Variants in GRID2 observed in about 807,000 individuals in gnomAD.
GRID2 encodes glutamate ionotropic receptor delta type subunit 2.
In GRID2, 33 loss-of-function variants were observed where a neutral mutation model predicts 114.8. The observed-to-expected ratio is 0.29, with a 90% CI of 0.22 to 0.38. The LOEUF is 0.38. GRID2 is among the 10% of genes least tolerant of loss of function. The pLI is 1.00. For synonymous variants in GRID2, 505 were observed against 449.9 expected (o/e 1.12, Z -1.55); for missense variants, 1,184 against 1,257.7 (o/e 0.94, Z 0.89).
At chr4:92,993,049 A>T (rs1755001403) in intron 2 of GRID2, among the ~76,000 whole-genome samples, 1 of 152,084 alleles carries the variant, frequency 6.6e-6, no homozygotes, top group African/African-American at 2.4e-5. Context: ...TCAGGTTGAA[A>T]AATTAAATGC....
At chr4:92,740,163 A>T (rs1165516914) in intron 2 of GRID2, among the ~76,000 whole-genome samples, 1 of 152,184 alleles carries the variant, frequency 6.6e-6, no homozygotes, top group African/African-American at 2.4e-5. Context: ...AAGGCAAAGG[A>T]GAGATACCTA....
At chr4:93,577,629 G>A (rs569984457) in intron 13 of GRID2, among the ~76,000 whole-genome samples, 1 of 152,292 alleles carries the variant, frequency 6.6e-6, no homozygotes, top group South Asian at 2.1e-4. Flanking sequence ...CAGACCACAG[G>A]AGTTACTGGG....
Position 93,001,293 on chromosome 4 carries a change from A to G in GRID2, c.245-83702A>G, listed in dbSNP as rs1256242286. 4.2e-4 allele frequency among the ~76,000 whole-genome samples: 64 copies of G among 151,794 alleles called. 1 individual carries two copies. The highest frequency in any genetic ancestry group is 4.1e-3 in the Admixed American group (62 of 15,168). On this transcript the variant is annotated intron_variant, in intron 2 of 15. Transcript: ENST00000282020. ...CTGTCTTTTTTGTTTTATGAAATACAATCACAGTAAACTTCATTTCAACAC... is the reference window on the plus strand; with the variant it reads ...CTGTCTTTTTTGTTTTATGAAATACGATCACAGTAAACTTCATTTCAACAC...
chr4:93,753,922 G>T (rs1386190491), intron 14 of GRID2, among the ~76,000 whole-genome samples: 1 of 152,186 alleles, frequency 6.6e-6, no homozygotes, highest in Non-Finnish European at 1.5e-5. Context: ...ATCACTTAGT[G>T]ATGGGGATAC....
intron 4 of GRID2, among the ~76,000 whole-genome samples, chr4:93,131,305 T>C (rs28448801): frequency 0.57 from 86,062 of 150,564 alleles, 26,251 homozygotes; most frequent in African/African-American, 0.77. Context: ...AGGCACTCGC[T>C]TCCATGCCCA....
chr4:92,821,190 G>A (rs938012434), intron 2 of GRID2, among the ~76,000 whole-genome samples: 2 of 152,118 alleles, frequency 1.3e-5, no homozygotes, highest in East Asian at 1.9e-4. Context: ...TCATAAAATT[G>A]TGTTTATTTC....
intron 12 of GRID2, among the ~76,000 whole-genome samples, chr4:93,511,776 CTTCT>C (rs1213075562): frequency 3.2e-4 from 45 of 142,284 alleles, no homozygotes; most frequent in African/African-American, 1.1e-3. Flanking sequence ...TCCATTCCTT[CTTCT>C]TTTTTTTTTT....
At chr4:92,382,120 G>A (rs1237780931) in intron 1 of GRID2, among the ~76,000 whole-genome samples, 10 of 151,642 alleles carry the variant, frequency 6.6e-5, no homozygotes, top group Admixed American at 5.9e-4. Context: ...TAGTTACACC[G>A]AGATTGATAT....
intron 2 of GRID2, among the ~76,000 whole-genome samples, chr4:92,724,600 A>G (rs1735977284): frequency 6.6e-6 from 1 of 152,156 alleles, no homozygotes; most frequent in African/African-American, 2.4e-5. Flanking sequence ...TATTTCTTTG[A>G]CTATAGTCAT....
intron 8 of GRID2, among the ~76,000 whole-genome samples, chr4:93,254,507 A>G (rs1048559804): frequency 5.9e-5 from 9 of 152,234 alleles, no homozygotes; most frequent in African/African-American, 2.2e-4. Context: ...GCTCTGGAGT[A>G]CCTGAATCAA....
intron 14 of GRID2, among the ~76,000 whole-genome samples, chr4:93,728,697 T>C (rs974774630): frequency 2.0e-5 from 3 of 152,228 alleles, no homozygotes; most frequent in Non-Finnish European, 2.9e-5. Flanking sequence ...ATATTTAGGA[T>C]AGGTAGCTCT....
intron 1 of GRID2, among the ~76,000 whole-genome samples, chr4:92,555,547 T>C (rs1348525589): frequency 1.3e-5 from 2 of 152,174 alleles, no homozygotes; most frequent in Admixed American, 1.3e-4. Flanking sequence ...TCATATCTTC[T>C]AGGGGTCTGG....
chr4:92,933,761 A>G (rs895680745), intron 2 of GRID2, among the ~76,000 whole-genome samples: 3 of 151,650 alleles, frequency 2.0e-5, no homozygotes, highest in Non-Finnish European at 3.0e-5. Context: ...ACCAAAATAA[A>G]TAAAATGAAA....
chr4:92,570,961 T>C (rs1727582851), intron 1 of GRID2, among the ~76,000 whole-genome samples: 1 of 152,100 alleles, frequency 6.6e-6, no homozygotes, highest in African/African-American at 2.4e-5. Context: ...CTGATTGCCC[T>C]GGCTAGAACT....
chr4:93,395,842 A>G lies in GRID2; in HGVS notation c.1347+134A>G, dbSNP rs1241094968. 5 of 496,686 alleles carry G rather than the reference A, an allele frequency of 1.0e-5. No individual in the cohort carries two copies. In the Admixed American group the frequency reaches 1.4e-4, roughly 14 times the overall value. The allele number at this position is 496,686 out of a possible 1,614,324, so 30.8% of individuals were successfully genotyped here. On this transcript the variant is annotated intron_variant, in intron 9 of 15. Transcript: ENST00000282020. ...TAAATACGCTTTCTAAGATTTTTTAATGGTCATATTTCACAGCCTTCAATT... is the reference window on the plus strand; with the variant it reads ...TAAATACGCTTTCTAAGATTTTTTAGTGGTCATATTTCACAGCCTTCAATT...
intron 2 of GRID2, among the ~76,000 whole-genome samples, chr4:92,839,407 A>C: frequency 7.6e-6 from 1 of 132,032 alleles, no homozygotes. Context: ...TCCTAATGCT[A>C]TCCCTCCCCC....
chr4:93,332,205 C>T (rs1244914724), intron 8 of GRID2, among the ~76,000 whole-genome samples: 3 of 150,424 alleles, frequency 2.0e-5, no homozygotes, highest in Non-Finnish European at 4.4e-5. Context: ...AGAAGAAAGA[C>T]AATTAGGCCC....
At chr4:93,317,403 T>G (rs545290990) in intron 8 of GRID2, among the ~76,000 whole-genome samples, 1 of 152,142 alleles carries the variant, frequency 6.6e-6, no homozygotes, top group African/African-American at 2.4e-5. Flanking sequence ...ATAGTGAAAA[T>G]TAATCCTGAA....
chr4:92,653,667 T>A (rs1484592944), intron 2 of GRID2, among the ~76,000 whole-genome samples: 1 of 152,108 alleles, frequency 6.6e-6, no homozygotes, highest in Non-Finnish European at 1.5e-5. Flanking sequence ...TTGTATGCTG[T>A]ACTTGCTGGA....
Sources: gnomAD v4.1 joint callset for allele counts (sites outside exome capture counted in the v4.1 genomes callset) on GRCh38, gnomAD v4.1.1 for gene constraint, MANE v1.5 for transcripts, NCBI Gene and HGNC (gene_info 2026-07-23, HGNC 2026-07-21) for gene names.